The following EIF4G1 variants were observed in gnomAD, a reference collection of about 807,000 sequenced individuals.
The protein encoded by EIF4G1 is EIF4-gamma.
EIF4G1 carries 4 observed loss-of-function variants against 187.8 expected under a neutral mutation model. The observed-to-expected ratio is 0.02, with a 90% CI of 0.01 to 0.05. EIF4G1 has a LOEUF of 0.05. Among genes scored for constraint, EIF4G1 ranks in the 10% least tolerant of loss-of-function variants. The probability of loss-of-function intolerance (pLI) is 1.00; values close to 1 mark genes in which losing one functional copy is unlikely to be tolerated. For missense variants in EIF4G1, 1,647 were observed against 2,081.1 expected (o/e 0.79, Z 4.06); for synonymous variants, 844 against 781.4 (o/e 1.08, Z -1.34).
In EIF4G1 at chr3:184,316,159, C is replaced by CCGGTGGTGTTCAGTACGCCACAAG; in HGVS notation, c.91_114dup (p.Val31_Ala38dup). The stretch of plus-strand genomic sequence containing the variant: ...AGCGTTTCCCCCGGGGCAGACAGCG[C>CCGGTGGTGTTCAGTACGCCACAAG]CGGTGGTGTTCAGTACGCCACAAGC... On this transcript the variant is annotated inframe_insertion, in exon 4 of 33. Coordinates refer to ENST00000346169, the MANE Select transcript of EIF4G1 (RefSeq NM_198241.3). The CCGGTGGTGTTCAGTACGCCACAAG allele has an allele frequency of 6.2e-7, 1 of 1,614,172 alleles. No individual in the cohort carries two copies. Among genetic ancestry groups the CCGGTGGTGTTCAGTACGCCACAAG allele is most frequent in the Non-Finnish European group, 8.5e-7 (1 of 1,180,014 alleles).
In EIF4G1 at chr3:184,315,402, C is replaced by T. The variant is rs760570478; in HGVS notation, c.-91-87C>T. The T allele has an allele frequency of 7.5e-6, 4 of 534,026 alleles. No homozygotes were observed. The Admixed American group carries it at 7.7e-5, about 10-fold the overall frequency. 33.1% of individuals were successfully genotyped at this position (534,026 alleles called of 1,614,324 possible). A position where few individuals can be genotyped will look rare whatever the true frequency, so the allele number is the denominator to read the frequency against. ...GCTAGCTCCGTTCGTGATCCGGGAG[C>T]CTGGTGCCAGCGAGACCTGGAATTT... On this transcript the variant is annotated intron_variant, in intron 1 of 32. Transcript: ENST00000346169.
Position 184,322,549 on chromosome 3 carries a change from C to T in EIF4G1, c.1614C>T (p.Asn538=), listed in dbSNP as rs767701511. ...GDLLDAFKEA[N]PAVPEVENQP... ...TGGATGTTCTGTTGTTCTAGGCGAA[C>T]CCGGCAGTACCAGAGGTGGAAAATC... The change falls in exon 12 of 33, where the codon AAC becomes AAT. Residue 538 remains asparagine, a synonymous_variant. Transcript: ENST00000346169. 1.4e-5 allele frequency: 22 copies of T among 1,614,008 alleles called. No individual in the cohort carries two copies. The African/African-American group carries it at 2.8e-4, about 21-fold the overall frequency.
chr3:184,321,645 A>G lies in EIF4G1; in HGVS notation c.1061A>G (p.His354Arg). 1 of 1,607,326 alleles carries G rather than the reference A, an allele frequency of 6.2e-7. No individual in the cohort carries two copies. The highest frequency in any genetic ancestry group is 8.5e-7 in the Non-Finnish European group (1 of 1,175,086). ...CAGGCTCCCACCCCTTTGGCATCTC[A>G]CACAGTGGAAATTCATGAGCCTAAT... ...PLQAPTPLAS[H>R]TVEIHEPNGM... The change falls in exon 10 of 33, where the codon CAC (histidine) becomes CGC (arginine). Residue 354 changes from histidine (H) to arginine (R), a missense_variant. Transcript: ENST00000346169.
chr3:184,321,056 G>A (rs998741111), intron 9 of EIF4G1, 63 bp downstream of exon 9: 13 of 1,583,760 alleles, frequency 8.2e-6, no homozygotes, highest in Non-Finnish European at 1.1e-5. Context: ...TAAATGCTGA[G>A]GTGGTGGAGT....
chr3:184,324,746 T>C (rs1420898058), intron 17 of EIF4G1, 132 bp from the exon 18 acceptor site: 3 of 978,710 alleles, frequency 3.1e-6, no homozygotes, highest in Non-Finnish European at 4.9e-6. Flanking sequence ...ATTACAGGCA[T>C]GAGCCACTAT....
At position 184,319,073 on chromosome 3, in the gene EIF4G1, C is replaced by CAA. The variant is rs557405660; in HGVS notation, c.425-602_425-601dup. Reference sequence around the variant, plus strand: ...TGGGCAATAGAGTGAGACTCCATCTCAAAAAAAAAAAAAAATTAAGGGGAA... The same window carrying CAA: ...TGGGCAATAGAGTGAGACTCCATCTCAAAAAAAAAAAAAAAAATTAAGGGGAA... On this transcript the variant is annotated intron_variant, in intron 6 of 32. Transcript: ENST00000346169. The CAA allele has an allele frequency of 2.9e-3, 331 of 116,076 alleles. 2 individuals are homozygous for CAA. Among genetic ancestry groups the CAA allele is most frequent in the African/African-American group, 9.2e-3 (282 of 30,510 alleles). 7.2% of individuals were successfully genotyped at this position (116,076 alleles called of 1,614,324 possible).
rs1480370459 is a variant in EIF4G1, at chr3:184,323,509, A to G, written c.2190A>G (p.Ala730=). 3.1e-6 allele frequency: 5 copies of G among 1,614,214 alleles called. No individual in the cohort carries two copies. Among genetic ancestry groups the G allele is most frequent in the Middle Eastern group, 3.3e-4 (2 of 6,062 alleles). ...LMTEDIKLNK[A]EKAWKPSSKR... is the part of the protein sequence containing the mutation. ...CCGAAGATATAAAACTGAACAAAGCAGAGAAAGCCTGGAAACCCAGCAGCA... is the reference window on the plus strand; with the variant it reads ...CCGAAGATATAAAACTGAACAAAGCGGAGAAAGCCTGGAAACCCAGCAGCA... Residue 730 remains alanine, a synonymous_variant, in exon 15 of 33, where the codon GCA becomes GCG. Coordinates refer to ENST00000346169, the MANE Select transcript of EIF4G1 (RefSeq NM_198241.3). The surrounding 1 kb of genome is among the most constrained non-coding windows in gnomAD (Gnocchi z 6.9).
In EIF4G1 at chr3:184,321,672, G is replaced by T; in HGVS notation, c.1088G>T (p.Gly363Val). 6.2e-7 allele frequency: 1 copy of T among 1,601,262 alleles called. No homozygotes were observed. The highest frequency in any genetic ancestry group is 8.5e-7 in the Non-Finnish European group (1 of 1,172,214). The change falls in exon 10 of 33, where the codon GGC becomes GTC. Residue 363 changes from glycine to valine, a missense_variant. By Grantham distance (109) the Gly-to-Val change is moderately radical. Transcript: ENST00000346169. ...ACAGTGGAAATTCATGAGCCTAATG[G>T]CATGGTCCCATCTGAAGATCTGGAA... Reference protein sequence around the residue: ...SHTVEIHEPNGMVPSEDLEPE... With the variant: ...SHTVEIHEPNVMVPSEDLEPE...
chr3:184,326,422 C>G, intron 21 of EIF4G1, 105 bp from the exon 22 acceptor site: 1 of 1,184,442 alleles, frequency 8.4e-7, no homozygotes, highest in Non-Finnish European at 1.3e-6. Context: ...GATTTTCTGA[C>G]CCCTGGACTG....
Position 184,332,172 on chromosome 3 carries a change from C to A in EIF4G1, c.4618+86C>A, listed in dbSNP as rs540989104. Reference sequence around the variant, plus strand: ...AGACCCTTCATGGAAGGGTCTTAATCCAAGAAAGGTAGGTAGTCATTAGAG... The same window carrying A: ...AGACCCTTCATGGAAGGGTCTTAATACAAGAAAGGTAGGTAGTCATTAGAG... On this transcript the variant is annotated intron_variant, in intron 32 of 32. Coordinates refer to ENST00000346169, the MANE Select transcript of EIF4G1 (RefSeq NM_198241.3). The A allele has an allele frequency of 1.0e-4, 165 of 1,584,376 alleles. 3 individuals are homozygous for A. In the East Asian group the frequency reaches 3.7e-3, roughly 35 times the overall value.
chr3:184,326,787 T>C (rs1312504893), intron 22 of EIF4G1, 94 bp from the exon 23 acceptor site: 10 of 1,543,524 alleles, frequency 6.5e-6, no homozygotes, highest in South Asian at 2.2e-5. Context: ...TGCTTTACTT[T>C]TGGGACTGGG....
chr3:184,327,717 A>C lies in EIF4G1; in HGVS notation c.3780+13A>C. 1 of 1,613,892 alleles carries C rather than the reference A, an allele frequency of 6.2e-7. No individual in the cohort carries two copies. Among genetic ancestry groups the C allele is most frequent in the Non-Finnish European group, 8.5e-7 (1 of 1,179,792 alleles). On this transcript the variant is annotated intron_variant, in intron 25 of 32. Coordinates refer to ENST00000346169, the MANE Select transcript of EIF4G1 (RefSeq NM_198241.3). ...CAATGACATGAAAGTAGGCAGTGGG[A>C]GCGGCGTGTGATTGAGGAGTGGGCA...
Position 184,327,316 on chromosome 3 carries a change from G to A in EIF4G1, c.3529G>A (p.Ala1177Thr). Reference sequence around the variant, plus strand: ...GGACCGTGGGGACCGGCTTGATCGTGCGCGGACACCTGCTACCAAGCGGAG... The same window carrying A: ...GGACCGTGGGGACCGGCTTGATCGTACGCGGACACCTGCTACCAAGCGGAG... ...GGDRGDRLDRARTPATKRSFS... is the reference protein window; with the variant it reads ...GGDRGDRLDRTRTPATKRSFS... Residue 1177 changes from alanine (A) to threonine (T), a missense_variant, in exon 24 of 33, where the codon GCG becomes ACG. By Grantham distance (58) the Ala-to-Thr change is moderately conservative. Around this residue, in one of 11 missense-constraint regions of EIF4G1, gnomAD observed 543 missense variants for 638.0 expected, o/e 0.85. Transcript: ENST00000346169. 1 of 1,613,810 alleles carries A rather than the reference G, an allele frequency of 6.2e-7. No individual in the cohort carries two copies. The highest frequency in any genetic ancestry group is 8.5e-7 in the Non-Finnish European group (1 of 1,180,038).
chr3:184,322,614 G>A lies in EIF4G1; in HGVS notation c.1679G>A (p.Gly560Asp), dbSNP rs149685875. 6.2e-6 allele frequency: 10 copies of A among 1,614,084 alleles called. No individual in the cohort carries two copies. The highest frequency in any genetic ancestry group is 2.7e-5 in the African/African-American group (2 of 74,924). Residue 560 changes from glycine to aspartate, a missense_variant, in exon 12 of 33, where the codon GGC (glycine) becomes GAC (aspartate). Physicochemically the swap from Gly to Asp is moderately conservative, Grantham distance 94. Transcript: ENST00000346169. ...AGSNPGPESE[G>D]SGVPPRPEEA... The stretch of plus-strand genomic sequence containing the variant: ...AGCAATCCAGGCCCAGAGTCTGAGG[G>A]CAGTGGTGTGCCCCCACGTCCTGAG...
In EIF4G1 at chr3:184,325,477, C is replaced by T. The variant is rs745583457; in HGVS notation, c.2962-3C>T. On this transcript the variant is annotated splice_region_variant and splice_polypyrimidine_tract_variant and intron_variant, in intron 19 of 32. Transcript: ENST00000346169. This position sits in a 1 kb window ranked among gnomAD's most constrained non-coding sequence, Gnocchi z 5.2. ...CATCGTGACTGGCCCTCTGTCTCCA[C>T]AGAGCAATTGGGTGCCACGCCGAGG... The T allele has an allele frequency of 6.2e-7, 1 of 1,614,134 alleles. No individual in the cohort carries two copies. Among genetic ancestry groups the T allele is most frequent in the Non-Finnish European group, 8.5e-7 (1 of 1,180,034 alleles).
intron 5 of EIF4G1, 34 bp downstream of exon 5, chr3:184,317,531 G>C: frequency 6.2e-7 from 1 of 1,612,854 alleles, no homozygotes; most frequent in Non-Finnish European, 8.5e-7. Flanking sequence ...AGAAGCCACA[G>C]ACCCCTATAC....
rs558185946 is a variant in EIF4G1, at chr3:184,321,523, C to T, written c.939C>T (p.Leu313=). The T allele has an allele frequency of 4.3e-6, 7 of 1,614,198 alleles. No homozygotes were observed. The African/African-American group carries it at 9.3e-5, about 22-fold the overall frequency. The change falls in exon 10 of 33, where the codon CTC becomes CTT. Residue 313 remains leucine (L), a synonymous_variant. Transcript: ENST00000346169. ...ISRETGEPYR[L]SPEPTPLAEP... is the part of the protein sequence containing the mutation. ...GTGAAACTGGGGAGCCATATCGCCT[C>T]TCTCCAGAACCCACTCCTCTCGCCG...
At chr3:184,329,054 C>T in intron 28 of EIF4G1, 64 bp downstream of exon 28, 1 of 1,580,184 alleles carries the variant, frequency 6.3e-7, no homozygotes. Context: ...TTGCTGTGGC[C>T]CTGAAGCTTC....
Position 184,323,276 on chromosome 3 carries a change from G to C in EIF4G1, c.2088+35G>C. On this transcript the variant is annotated intron_variant, in intron 14 of 32. Transcript: ENST00000346169. This position sits in a 1 kb window ranked among gnomAD's most constrained non-coding sequence, Gnocchi z 6.9. ...GCTGGGTAAAGTGGCAGGTGGGCAA[G>C]GAGTGGGAGTGGATGATTCCGTGTC... The C allele has an allele frequency of 6.2e-7, 1 of 1,613,612 alleles. No homozygotes were observed. Among genetic ancestry groups the C allele is most frequent in the East Asian group, 2.2e-5 (1 of 44,862 alleles).
Sources: gnomAD v4.1 joint callset for allele counts on GRCh38, gnomAD v4.1.1 for gene constraint, gnomAD v4.1.1 regional missense constraint, Gnocchi (gnomAD v3.1) non-coding constraint, MANE v1.5 for transcripts, NCBI Gene and HGNC (gene_info 2026-07-23, HGNC 2026-07-21) for gene names.